CRADD: variants seen among roughly 807,000 people sequenced by gnomAD.
CRADD encodes the protein CARD and death domain containing adaptor protein.
Under a neutral mutation model 15.5 loss-of-function variants are expected in CRADD, and 9 were observed. That is an observed-to-expected ratio of 0.58 (90% CI 0.35 to 1.01). The LOEUF (loss-of-function observed/expected upper bound fraction) is 1.01, where lower values mean the gene tolerates loss of function less well. CRADD is among the 50% of genes least tolerant of loss of function. CRADD has a pLI of 0.02. For missense variants in CRADD, 227 were observed against 250.3 expected (o/e 0.91, Z 0.63); for synonymous variants, 118 against 107.6 (o/e 1.10, Z -0.60).
At chr12:93,886,825 C>T (rs1958540867) in intron 2 of CRADD, among the ~76,000 whole-genome samples, 1 of 152,140 alleles carries the variant, frequency 6.6e-6, no homozygotes, top group Non-Finnish European at 1.5e-5. Context: ...CATAGAAAAT[C>T]ATTTCAATCT....
In CRADD at chr12:93,844,462, T is replaced by A. The variant is rs564296234; in HGVS notation, c.299-5508T>A. Among the ~76,000 whole-genome samples, 8 of 152,166 alleles carry A rather than the reference T, an allele frequency of 5.3e-5. No homozygotes were observed. In the South Asian group the frequency reaches 1.7e-3, roughly 32 times the overall value. Reference sequence around the variant, plus strand: ...ATTTGGAAAGGCTTGATCTGCTTGGTGGGGTGGTGCTTATGTGCCAATTAC... The same window carrying A: ...ATTTGGAAAGGCTTGATCTGCTTGGAGGGGTGGTGCTTATGTGCCAATTAC... On this transcript the variant is annotated intron_variant, in intron 2 of 2. Transcript: ENST00000332896.
intron 2 of CRADD, among the ~76,000 whole-genome samples, chr12:93,809,409 G>A (rs1348659139): frequency 6.6e-6 from 1 of 152,122 alleles, no homozygotes; most frequent in Non-Finnish European, 1.5e-5. Flanking sequence ...GTAAAGATAT[G>A]GGGTTCTGGC....
chr12:93,726,099 T>G (rs1410340478), intron 2 of CRADD, among the ~76,000 whole-genome samples: 1 of 135,888 alleles, frequency 7.4e-6, no homozygotes, highest in African/African-American at 3.2e-5. Context: ...GTTTAGTTTT[T>G]TTTTTTTTTT....
At position 93,728,478 on chromosome 12, in the gene CRADD, T is replaced by C. The variant is rs192033335; in HGVS notation, c.298+49406T>C. Among the ~76,000 whole-genome samples, 911 of 152,344 alleles carry C rather than the reference T, an allele frequency of 6.0e-3. 7 individuals are homozygous for C. Among genetic ancestry groups the C allele is most frequent in the African/African-American group, 0.021 (870 of 41,576 alleles). On this transcript the variant is annotated intron_variant, in intron 2 of 2. Coordinates refer to ENST00000332896, the MANE Select transcript of CRADD (RefSeq NM_003805.5). ...ACTTTTTGTCCATATTAACCTAAAA[T>C]TTAATACAGTTCCAGCATAAGCTGT...
At chr12:93,829,557 T>G (rs1393224188) in intron 2 of CRADD, among the ~76,000 whole-genome samples, 1 of 152,220 alleles carries the variant, frequency 6.6e-6, no homozygotes, top group South Asian at 2.1e-4. Flanking sequence ...TTTTTTGAAC[T>G]GGACAGGCCA....
intron 2 of CRADD, among the ~76,000 whole-genome samples, chr12:93,715,993 G>A (rs528860239): frequency 4.6e-5 from 7 of 151,972 alleles, no homozygotes; most frequent in Admixed American, 2.0e-4. Flanking sequence ...TTAGCCAGGC[G>A]TAGTGGCAGA....
intron 2 of CRADD, among the ~76,000 whole-genome samples, chr12:93,858,757 C>T (rs1450652671): frequency 1.3e-5 from 2 of 152,194 alleles, no homozygotes; most frequent in African/African-American, 2.4e-5. Flanking sequence ...AACCTTCCAC[C>T]ATTCTTCTGT....
In CRADD at chr12:93,762,203, C is replaced by G. The variant is rs763846393; in HGVS notation, c.298+83131C>G. 2.0e-5 allele frequency among the ~76,000 whole-genome samples: 3 copies of G among 152,058 alleles called. No individual in the cohort carries two copies. In the East Asian group the frequency reaches 5.8e-4, roughly 29 times the overall value. On this transcript the variant is annotated intron_variant, in intron 2 of 2. Transcript: ENST00000332896. ...TAGCTTCTAAATAAAGAAAACGGGC[C>G]GATGTTGTGAGTAATTGCAGCTGCT...
chr12:93,884,749 C>A (rs1393680263), intron 2 of CRADD, among the ~76,000 whole-genome samples: 1 of 152,188 alleles, frequency 6.6e-6, no homozygotes, highest in Admixed American at 6.5e-5. Flanking sequence ...AGTCGAGTGA[C>A]AAGAACCTGG....
At chr12:93,831,537 T>G (rs1182144906) in intron 2 of CRADD, among the ~76,000 whole-genome samples, 1 of 152,274 alleles carries the variant, frequency 6.6e-6, no homozygotes, top group Non-Finnish European at 1.5e-5. Context: ...TTGCATTATG[T>G]GCAGCTGCAC....
chr12:93,706,779 CAG>C (rs1955960531), intron 2 of CRADD, among the ~76,000 whole-genome samples: 1 of 152,218 alleles, frequency 6.6e-6, no homozygotes, highest in Admixed American at 6.5e-5. Context: ...AAAATCATTT[CAG>C]AAATTCTTAG....
At chr12:93,823,890 A>C (rs547069042) in intron 2 of CRADD, among the ~76,000 whole-genome samples, 5 of 152,336 alleles carry the variant, frequency 3.3e-5, no homozygotes, top group African/African-American at 1.2e-4. Context: ...ACCTAGCTGC[A>C]CAGGCCGGGA....
chr12:93,888,379 C>A (rs927180614), intron 2 of CRADD, among the ~76,000 whole-genome samples: 9 of 146,620 alleles, frequency 6.1e-5, no homozygotes, highest in Non-Finnish European at 1.0e-4. Flanking sequence ...GAGCCGAGAT[C>A]GTGCCACTGC....
intron 2 of CRADD, among the ~76,000 whole-genome samples, chr12:93,867,821 T>C (rs1453539958): frequency 6.6e-6 from 1 of 152,166 alleles, no homozygotes; most frequent in African/African-American, 2.4e-5. Context: ...ATCCAAATTG[T>C]TTTTGAGTGG....
At chr12:93,741,858 C>T (rs1956671996) in intron 2 of CRADD, among the ~76,000 whole-genome samples, 1 of 152,094 alleles carries the variant, frequency 6.6e-6, no homozygotes, top group Non-Finnish European at 1.5e-5. Flanking sequence ...TAAAAGGAGG[C>T]GGCTGGCCTG....
chr12:93,804,843 C>G (rs1957518641), intron 2 of CRADD, among the ~76,000 whole-genome samples: 1 of 152,126 alleles, frequency 6.6e-6, no homozygotes, highest in Non-Finnish European at 1.5e-5. Flanking sequence ...CAGACCCCAT[C>G]TCACTTTGCC....
At chr12:93,864,159 A>G (rs781361028) in intron 2 of CRADD, among the ~76,000 whole-genome samples, 6 of 152,292 alleles carry the variant, frequency 3.9e-5, no homozygotes, top group South Asian at 4.1e-4. Flanking sequence ...GGCTCAAGCA[A>G]TCCTCCCACT....
At chr12:93,814,307 G>A (rs1957666141) in intron 2 of CRADD, among the ~76,000 whole-genome samples, 1 of 151,914 alleles carries the variant, frequency 6.6e-6, no homozygotes, top group Non-Finnish European at 1.5e-5. Flanking sequence ...GAGATAAGCA[G>A]TTTTTTTGTG....
At chr12:93,796,124 G>T (rs891910435) in intron 2 of CRADD, among the ~76,000 whole-genome samples, 3 of 150,298 alleles carry the variant, frequency 2.0e-5, no homozygotes, top group East Asian at 2.0e-4. Context: ...GATAAGTTTG[G>T]TTTTTTTTTC....
Sources: allele counts gnomAD v4.1 joint callset (sites outside exome capture counted in the v4.1 genomes callset), GRCh38; gene constraint gnomAD v4.1.1; transcripts MANE v1.5; gene names NCBI Gene and HGNC (gene_info 2026-07-23, HGNC 2026-07-21).